ANKS1B: variants seen among roughly 807,000 people sequenced by gnomAD.
The protein encoded by ANKS1B is ankyrin repeat and sterile alpha motif domain containing 1B, also known as ankyrin repeat and sterile alpha motif domain-containing protein 1B.
A neutral mutation model predicts 148.3 loss-of-function variants in ANKS1B; 36 were observed. The ratio of observed to expected loss-of-function variants is 0.24; its 90% CI spans 0.19 to 0.32. ANKS1B has a LOEUF of 0.32. ANKS1B is among the 10% of genes least tolerant of loss of function. The probability of loss-of-function intolerance (pLI) is 1.00; values close to 1 mark genes in which losing one functional copy is unlikely to be tolerated. For missense variants in ANKS1B, 1,157 were observed against 1,542.6 expected (o/e 0.75, Z 4.19); for synonymous variants, 542 against 560.8 (o/e 0.97, Z 0.47).
intron 22 of ANKS1B, chr12:98,794,434 C>A (rs2098928568): frequency 2.1e-5 from 4 of 194,994 alleles, no homozygotes; most frequent in East Asian, 2.4e-4. Flanking sequence ...GACTTCCTCT[C>A]AAGCTTGGCA....
intron 14 of ANKS1B, among the ~76,000 whole-genome samples, chr12:99,168,888 C>T (rs180777580): frequency 1.6e-4 from 24 of 152,242 alleles, no homozygotes; most frequent in Non-Finnish European, 3.2e-4. Flanking sequence ...AGGACACTGT[C>T]TGAAAACTGT....
intron 17 of ANKS1B, among the ~76,000 whole-genome samples, chr12:99,051,261 G>A (rs541282742): frequency 8.5e-5 from 13 of 152,320 alleles, no homozygotes; most frequent in African/African-American, 3.1e-4. Flanking sequence ...CACATTGTAA[G>A]TGATCCTTAC....
intron 1 of ANKS1B, among the ~76,000 whole-genome samples, chr12:99,971,884 T>G (rs1179967312): frequency 6.6e-6 from 1 of 152,258 alleles, no homozygotes; most frequent in Non-Finnish European, 1.5e-5. Flanking sequence ...ATACTTTTAG[T>G]GCACACTTCA....
intron 9 of ANKS1B, among the ~76,000 whole-genome samples, chr12:99,580,347 G>T (rs568827585): frequency 1.6e-4 from 25 of 151,676 alleles, no homozygotes; most frequent in Non-Finnish European, 2.7e-4. Flanking sequence ...GAACCTAAAA[G>T]TTGAAAGAGA....
chr12:99,449,154 T>C (rs2095685720), intron 10 of ANKS1B, among the ~76,000 whole-genome samples: 1 of 152,140 alleles, frequency 6.6e-6, no homozygotes, highest in African/African-American at 2.4e-5. Flanking sequence ...TTTTAGTTCC[T>C]AAAAACATTT....
rs568067422 is a variant in ANKS1B at position 99,377,908 on chromosome 12, A to G, written c.1756+21723T>C. On this transcript the variant is annotated intron_variant, in intron 12 of 26. Transcript: ENST00000683438. ...GGTTTGTGACTTGCTTGTAACAACA[A>G]TACAAGATTTCCCAAGCTAGGTCAG... 6.6e-5 allele frequency among the ~76,000 whole-genome samples: 10 copies of G among 152,312 alleles called. No individual in the cohort carries two copies. The South Asian group carries it at 2.1e-3, about 32-fold the overall frequency.
chr12:99,168,034 C>A (rs2153834752), intron 14 of ANKS1B, among the ~76,000 whole-genome samples: 1 of 152,212 alleles, frequency 6.6e-6, no homozygotes, highest in African/African-American at 2.4e-5. Context: ...TCAATGGCTC[C>A]TTGGGGATAT....
intron 17 of ANKS1B, among the ~76,000 whole-genome samples, chr12:98,926,305 CT>C (rs1360067840): frequency 6.6e-6 from 1 of 152,156 alleles, no homozygotes; most frequent in Non-Finnish European, 1.5e-5. Context: ...GCACAGACTT[CT>C]GTGGATGCAG....
At chr12:99,122,001 T>C (rs1423029377) in intron 15 of ANKS1B, among the ~76,000 whole-genome samples, 2 of 152,156 alleles carry the variant, frequency 1.3e-5, no homozygotes, top group African/African-American at 2.4e-5. Context: ...AGTGGGATAA[T>C]TCCTGAAGTA....
At chr12:99,968,490 G>T (rs1042296226) in intron 1 of ANKS1B, among the ~76,000 whole-genome samples, 1 of 152,154 alleles carries the variant, frequency 6.6e-6, no homozygotes, top group Admixed American at 6.5e-5. Flanking sequence ...CCCTGGAGGC[G>T]GCACTTGCAG....
At chr12:98,867,029 G>A (rs1395426388) in intron 17 of ANKS1B, among the ~76,000 whole-genome samples, 1 of 152,208 alleles carries the variant, frequency 6.6e-6, no homozygotes, top group African/African-American at 2.4e-5. Flanking sequence ...GCCCCATGTG[G>A]AAAGGTGAGG....
At chr12:99,598,937 C>T (rs2097778761) in intron 9 of ANKS1B, among the ~76,000 whole-genome samples, 1 of 152,054 alleles carries the variant, frequency 6.6e-6, no homozygotes, top group South Asian at 2.1e-4. Flanking sequence ...GGGCCACGCT[C>T]CCTCCAGAGG....
At chr12:99,331,134 T>A (rs974848317) in intron 12 of ANKS1B, among the ~76,000 whole-genome samples, 1 of 152,130 alleles carries the variant, frequency 6.6e-6, no homozygotes, top group African/African-American at 2.4e-5. Context: ...ATCATATTCA[T>A]GTATATGACC....
At chr12:98,945,724 G>A (rs2099844442) in intron 17 of ANKS1B, among the ~76,000 whole-genome samples, 1 of 152,082 alleles carries the variant, frequency 6.6e-6, no homozygotes, top group Admixed American at 6.5e-5. Flanking sequence ...GATCAGCAGG[G>A]ATGGTGTGAG....
chr12:98,855,601 T>C (rs186267396), intron 17 of ANKS1B, among the ~76,000 whole-genome samples: 1 of 152,282 alleles, frequency 6.6e-6, no homozygotes, highest in Admixed American at 6.5e-5. Context: ...GAAGAAAATA[T>C]ACGCAGGATA....
In ANKS1B at chr12:99,014,762, C is replaced by T. The variant is rs371330082; in HGVS notation, c.2778+38395G>A. Among the ~76,000 whole-genome samples, 179 of 152,214 alleles carry T rather than the reference C, an allele frequency of 1.2e-3. 6 individuals carry two copies. In the South Asian group the frequency reaches 0.035, roughly 29 times the overall value. On this transcript the variant is annotated intron_variant, in intron 17 of 26. Transcript: ENST00000683438. ...AAGACATATATGTGGCCAACAATCA[C>T]ATGAAAAAAGCTCAACATCACTGAT...
intron 12 of ANKS1B, among the ~76,000 whole-genome samples, chr12:99,318,523 T>C (rs1273314595): frequency 6.6e-6 from 1 of 152,202 alleles, no homozygotes; most frequent in Non-Finnish European, 1.5e-5. Context: ...ATATCCCCTT[T>C]ATCATTTTTT....
intron 14 of ANKS1B, among the ~76,000 whole-genome samples, chr12:99,221,195 C>T (rs892924361): frequency 6.6e-6 from 1 of 151,890 alleles, no homozygotes; most frequent in Non-Finnish European, 1.5e-5. Flanking sequence ...AAAAAATTGG[C>T]CAGGCATGGT....
intron 11 of ANKS1B, among the ~76,000 whole-genome samples, chr12:99,432,668 T>C (rs556956323): frequency 5.3e-5 from 8 of 152,262 alleles, no homozygotes; most frequent in African/African-American, 1.7e-4. Flanking sequence ...CTACTTTATA[T>C]TCAATGGTCA....
Sources: gnomAD v4.1 joint callset for allele counts (sites outside exome capture counted in the v4.1 genomes callset) on GRCh38, gnomAD v4.1.1 for gene constraint, MANE v1.5 for transcripts, NCBI Gene and HGNC (gene_info 2026-07-23, HGNC 2026-07-21) for gene names.